Variants in CELSR1 observed in about 807,000 individuals in gnomAD.
CELSR1 encodes adhesion G protein-coupled receptor C1.
A neutral mutation model predicts 249.1 loss-of-function variants in CELSR1; 110 were observed. The ratio of observed to expected loss-of-function variants is 0.44; its 90% confidence interval spans 0.38 to 0.52. CELSR1 has a LOEUF of 0.52. Among genes scored for constraint, CELSR1 ranks in the 20% least tolerant of loss-of-function variants. CELSR1 has a pLI of 0.00. For missense variants in CELSR1, 4,109 were observed against 4,296.4 expected (o/e 0.96, Z 1.22); for synonymous variants, 2,113 against 1,900.0 (o/e 1.11, Z -2.92).
Position 46,500,067 on chromosome 22 carries a change from C to G in CELSR1, c.3544+33560G>C, listed in dbSNP as rs1297102917. The stretch of plus-strand genomic sequence containing the variant: ...CCAAACGGGTTGTTTTCTGTGAGTC[C>G]GGACTCTCTGCTCTGATCCCACCCC... On this transcript the variant is annotated intron_variant, in intron 1 of 34. Coordinates refer to ENST00000674500, the MANE Select transcript of CELSR1 (RefSeq NM_001378328.1). The surrounding 1 kb of genome is among the most constrained non-coding windows in gnomAD (Gnocchi z 4.9). 6.7e-6 allele frequency among the ~76,000 whole-genome samples: 1 copy of G among 150,340 alleles called. No homozygotes were observed. The highest frequency in any genetic ancestry group is 1.5e-5 in the Non-Finnish European group (1 of 67,970).
chr22:46,415,752 G>C (rs1484602585), intron 5 of CELSR1, among the ~76,000 whole-genome samples: 1 of 152,158 alleles, frequency 6.6e-6, no homozygotes, highest in Non-Finnish European at 1.5e-5. Flanking sequence ...GCATTATTTG[G>C]CCTTCCTGCC....
Position 46,407,877 on chromosome 22 carries a change from A to T in CELSR1, c.5226+1119T>A, listed in dbSNP as rs9615989. On this transcript the variant is annotated intron_variant, in intron 9 of 34. Transcript: ENST00000674500. This position sits in a 1 kb window ranked among gnomAD's most constrained non-coding sequence, Gnocchi z 4.8. ...AAAGGGTCACAGCAGCTGGGTTTAC[A>T]GGAGAGCGCCCGTGCCCCGCCATCA... Among the ~76,000 whole-genome samples the T allele has an allele frequency of 0.056, 8,586 of 152,276 alleles. 338 individuals are homozygous for T. Among genetic ancestry groups the T allele is most frequent in the Middle Eastern group, 0.088 (26 of 294 alleles).
At position 46,535,108 on chromosome 22, in the gene CELSR1, G is replaced by T. The variant is rs776382004; in HGVS notation, c.2063C>A (p.Thr688Lys). Residue 688 changes from threonine (T) to lysine (K), a missense_variant, in exon 1 of 35, where the codon ACG becomes AAG. Transcript: ENST00000674500. ...CAGACGAAGCTCGTAGGTGGGCTGC[G>T]TGAACACCGGGTCGTTGTCATTCAC... ...LDVNDNDPVF[T>K]QPTYELRLNE... 1.9e-6 allele frequency: 3 copies of T among 1,611,620 alleles called. No individual in the cohort carries two copies. The highest frequency in any genetic ancestry group is 1.6e-4 in the Middle Eastern group (1 of 6,080).
chr22:46,376,950 G>C, intron 24 of CELSR1, 111 bp downstream of exon 24: 1 of 1,042,644 alleles, frequency 9.6e-7, no homozygotes. Flanking sequence ...AAGCAGAGGT[G>C]GGGGTGGTGA....
At position 46,430,427 on chromosome 22, in the gene CELSR1, G is replaced by T. The variant is rs537390915; in HGVS notation, c.4611+2966C>A. Among the ~76,000 whole-genome samples the T allele has an allele frequency of 5.9e-3, 905 of 152,194 alleles. 13 individuals carry two copies. The highest frequency in any genetic ancestry group is 6.5e-3 in the Non-Finnish European group (443 of 67,988). On this transcript the variant is annotated intron_variant, in intron 5 of 34. Coordinates refer to ENST00000674500, the MANE Select transcript of CELSR1 (RefSeq NM_001378328.1). The surrounding 1 kb of genome is among the most constrained non-coding windows in gnomAD (Gnocchi z 4.6). ...TGCATCAGCCAAGGCAGGCAGGGAC[G>T]CGTGTGCAGGGGGGTTCCCTCGGCA...
In CELSR1 at chr22:46,473,108, T is replaced by A. The variant is rs1487642674; in HGVS notation, c.3545-8763A>T. Among the ~76,000 whole-genome samples the A allele has an allele frequency of 6.6e-6, 1 of 151,930 alleles. No homozygotes were observed. Among genetic ancestry groups the A allele is most frequent in the Non-Finnish European group, 1.5e-5 (1 of 67,980 alleles). ...GAACCTCCGACTGCTGCCGGCCTCGTGGGCTCTCGGTGCAGGACGGCGGGG... is the reference window on the plus strand; with the variant it reads ...GAACCTCCGACTGCTGCCGGCCTCGAGGGCTCTCGGTGCAGGACGGCGGGG... On this transcript the variant is annotated intron_variant, in intron 1 of 34. Coordinates refer to ENST00000674500, the MANE Select transcript of CELSR1 (RefSeq NM_001378328.1). The surrounding 1 kb of genome is among the most constrained non-coding windows in gnomAD (Gnocchi z 6.6).
chr22:46,422,119 T>C (rs9616000), intron 5 of CELSR1, among the ~76,000 whole-genome samples: 42,644 of 151,946 alleles, frequency 0.28, 7,779 homozygotes, highest in African/African-American at 0.52. Context: ...TTTTGTTTTA[T>C]TTTTGAGACA....
rs746063757 is a variant in CELSR1, at chr22:46,436,829, A to T, written c.4407-540T>A. Among the ~76,000 whole-genome samples the T allele has an allele frequency of 3.3e-5, 5 of 152,048 alleles. No homozygotes were observed. Among genetic ancestry groups the T allele is most frequent in the Non-Finnish European group, 7.4e-5 (5 of 68,004 alleles). ...ACCAGCTGCCCCCTATGCCAGAAAC[A>T]ATCTTCCCAGGCTTTGCAGATCACT... On this transcript the variant is annotated intron_variant, in intron 3 of 34. Coordinates refer to ENST00000674500, the MANE Select transcript of CELSR1 (RefSeq NM_001378328.1). This position sits in a 1 kb window ranked among gnomAD's most constrained non-coding sequence, Gnocchi z 5.9.
chr22:46,410,706 G>C lies in CELSR1; in HGVS notation c.4770-145C>G. The C allele has an allele frequency of 1.3e-6, 1 of 757,360 alleles. No individual in the cohort carries two copies. Among genetic ancestry groups the C allele is most frequent in the Non-Finnish European group, 2.1e-6 (1 of 474,210 alleles). 46.9% of individuals were successfully genotyped at this position (757,360 alleles called of 1,614,324 possible). A position where few individuals can be genotyped will look rare whatever the true frequency, so the allele number is the denominator to read the frequency against. On this transcript the variant is annotated intron_variant, in intron 6 of 34. Transcript: ENST00000674500. The surrounding 1 kb of genome is among the most constrained non-coding windows in gnomAD (Gnocchi z 6.8). ...GACAGGCGGGGAGAGGCCAAAGTCAGAGGGGGCTCCTGTGTCTGGTGCCGC... is the reference window on the plus strand; with the variant it reads ...GACAGGCGGGGAGAGGCCAAAGTCACAGGGGGCTCCTGTGTCTGGTGCCGC...
chr22:46,387,048 A>G (rs1986875), intron 18 of CELSR1, among the ~76,000 whole-genome samples: 19,456 of 151,974 alleles, frequency 0.13, 2,154 homozygotes, highest in African/African-American at 0.3. Context: ...GTGAGCCACC[A>G]CGCCTGGCCT....
chr22:46,465,439 G>A (rs1470612603), intron 1 of CELSR1, among the ~76,000 whole-genome samples: 1 of 152,186 alleles, frequency 6.6e-6, no homozygotes, highest in Non-Finnish European at 1.5e-5. Context: ...AGGAGGACAG[G>A]AGCTGGGCAG....
chr22:46,512,659 C>T lies in CELSR1; in HGVS notation c.3544+20968G>A, dbSNP rs2080585870. 6.6e-6 allele frequency among the ~76,000 whole-genome samples: 1 copy of T among 152,182 alleles called. No homozygotes were observed. The highest frequency in any genetic ancestry group is 1.5e-5 in the Non-Finnish European group (1 of 68,018). On this transcript the variant is annotated intron_variant, in intron 1 of 34. Coordinates refer to ENST00000674500, the MANE Select transcript of CELSR1 (RefSeq NM_001378328.1). The surrounding 1 kb of genome is among the most constrained non-coding windows in gnomAD (Gnocchi z 5.2). The stretch of plus-strand genomic sequence containing the variant: ...GGCCTCAAATGGCCTCACCACAGGT[C>T]CCCCGCCCCACTCTGCTCCTTCGGA...
intron 1 of CELSR1, among the ~76,000 whole-genome samples, chr22:46,502,032 A>T (rs942441255): frequency 6.6e-6 from 1 of 151,920 alleles, no homozygotes; most frequent in Admixed American, 6.6e-5. Flanking sequence ...TGGGAGGCCA[A>T]AGTAGGAGTA....
At chr22:46,466,285 A>ACTGCC (rs1178250047) in intron 1 of CELSR1, among the ~76,000 whole-genome samples, 1 of 152,172 alleles carries the variant, frequency 6.6e-6, no homozygotes, top group Non-Finnish European at 1.5e-5. Flanking sequence ...GGGGGCCTCC[A>ACTGCC]CTGCCCTGCC....
Position 46,396,694 on chromosome 22 carries a change from G to T in CELSR1, c.5754C>A (p.Asn1918Lys). Reference protein sequence around the residue: ...VDACHLNPCENMGACVRSPGS... With the variant: ...VDACHLNPCEKMGACVRSPGS... ...CGGGGGAGCGCACGCAGGCCCCCAT[G>T]TTCTCGCAGGGGTTCAGGTGACAGG... The change falls in exon 13 of 35, where the codon AAC (asparagine) becomes AAA (lysine). Residue 1918 changes from asparagine to lysine, a missense_variant. Around this residue, in one of 7 missense-constraint regions of CELSR1, gnomAD observed 1,805 missense variants for 1,831.6 expected, o/e 0.99. Coordinates refer to ENST00000674500, the MANE Select transcript of CELSR1 (RefSeq NM_001378328.1). This position sits in a 1 kb window ranked among gnomAD's most constrained non-coding sequence, Gnocchi z 6.4. The T allele has an allele frequency of 1.9e-6, 3 of 1,613,042 alleles. No homozygotes were observed. Among genetic ancestry groups the T allele is most frequent in the Non-Finnish European group, 2.5e-6 (3 of 1,179,604 alleles).
rs1483708491 is a variant in CELSR1, at chr22:46,372,975, A to G, written c.7667T>C (p.Val2556Ala). ...FAWTLVESLH[V>A]YRMLTEVRNI... ...GCGCACCTCGGTCAGCATGCGGTAG[A>G]CATGCAGGCTCTCCACGAGGGTCCA... The change falls in exon 25 of 35, where the codon GTC (valine) becomes GCC (alanine). Residue 2556 changes from valine to alanine, a missense_variant. Physicochemically the swap from Val to Ala is moderately conservative, Grantham distance 64 (BLOSUM62 0). Transcript: ENST00000674500. 6.2e-7 allele frequency: 1 copy of G among 1,613,256 alleles called. No homozygotes were observed. The highest frequency in any genetic ancestry group is 2.2e-5 in the East Asian group (1 of 44,886).
intron 9 of CELSR1, 140 bp from the exon 10 acceptor site, chr22:46,400,042 A>C: frequency 2.2e-6 from 2 of 911,704 alleles, no homozygotes; most frequent in East Asian, 5.4e-5. Context: ...AAAATTAGGC[A>C]AAGTTGGCCA....
chr22:46,391,200 G>A lies in CELSR1; in HGVS notation c.6236C>T (p.Pro2079Leu). ...KFGQPAAVPC[P>L]KGSVGNAVRH... is the part of the protein sequence containing the mutation. ...CGGCGACTCACCAACGGATCCCTTA[G>A]GGCATGGCACCGCAGCCGGCTGCCC... is the stretch of plus-strand genomic sequence containing the variant. Residue 2079 changes from proline to leucine, a missense_variant, in exon 16 of 35, where the codon CCT (proline) becomes CTT (leucine). Transcript: ENST00000674500. The surrounding 1 kb of genome is among the most constrained non-coding windows in gnomAD (Gnocchi z 4.3). 6.2e-7 allele frequency: 1 copy of A among 1,613,124 alleles called. No individual in the cohort carries two copies.
chr22:46,453,190 G>A (rs1209874222), intron 2 of CELSR1, among the ~76,000 whole-genome samples: 1 of 152,198 alleles, frequency 6.6e-6, no homozygotes, highest in African/African-American at 2.4e-5. Flanking sequence ...CCAGGCAGCT[G>A]TGCACAGCAG....
Sources: allele counts gnomAD v4.1 joint callset (sites outside exome capture counted in the v4.1 genomes callset), GRCh38; gene constraint gnomAD v4.1.1; regional missense constraint gnomAD v4.1.1; non-coding constraint Gnocchi (gnomAD v3.1); transcripts MANE v1.5; gene names NCBI Gene and HGNC (gene_info 2026-07-23, HGNC 2026-07-21).